Variants in DOCK7 observed in about 807,000 individuals in gnomAD.
DOCK7 encodes dedicator of cytokinesis 7.
DOCK7 carries 138 observed loss-of-function variants against 271.0 expected under a neutral mutation model. The observed-to-expected ratio is 0.51, with a 90% CI of 0.44 to 0.59. The LOEUF (loss-of-function observed/expected upper bound fraction) is 0.59, where lower values mean the gene tolerates loss of function less well. Among genes scored for constraint, DOCK7 ranks in the 20% least tolerant of loss-of-function variants. The pLI, the probability that DOCK7 is intolerant of heterozygous loss-of-function variation, is 0.00. For synonymous variants in DOCK7, 823 were observed against 876.1 expected (o/e 0.94, Z 1.07); for missense variants, 2,066 against 2,592.4 (o/e 0.80, Z 4.41).
At chr1:62,465,918 G>C (rs1211687454) in intron 48 of DOCK7, among the ~76,000 whole-genome samples, 2 of 152,158 alleles carry the variant, frequency 1.3e-5, no homozygotes, top group Non-Finnish European at 2.9e-5. Context: ...TGTAAGAAAA[G>C]TGTATCTGTA....
chr1:62,507,207 G>A (rs753352202), intron 35 of DOCK7, among the ~76,000 whole-genome samples: 4 of 152,126 alleles, frequency 2.6e-5, no homozygotes, highest in African/African-American at 7.2e-5. Context: ...TTGTAATAGC[G>A]TGGAAATATG....
At chr1:62,663,718 T>G (rs1658949169) in intron 1 of DOCK7, among the ~76,000 whole-genome samples, 1 of 152,190 alleles carries the variant, frequency 6.6e-6, no homozygotes, top group South Asian at 2.1e-4. Flanking sequence ...TCCTCCTTCC[T>G]TCTTTCATAT....
chr1:62,472,157 G>T (rs926047615), intron 48 of DOCK7, among the ~76,000 whole-genome samples: 3 of 152,074 alleles, frequency 2.0e-5, no homozygotes, highest in African/African-American at 7.2e-5. Flanking sequence ...AGGCTGGAGT[G>T]CAGTGGCATG....
At position 62,647,831 on chromosome 1, in the gene DOCK7, T is replaced by C. The variant is rs1656862206; in HGVS notation, c.733-55A>G. The C allele has an allele frequency of 5.3e-6, 7 of 1,315,380 alleles. No individual in the cohort carries two copies. In the South Asian group the frequency reaches 7.6e-5, roughly 14 times the overall value. 81.5% of individuals were successfully genotyped at this position (1,315,380 alleles called of 1,614,324 possible). A position where few individuals can be genotyped will look rare whatever the true frequency, so the allele number is the denominator to read the frequency against. Reference sequence around the variant, plus strand: ...ATATGCTTATCATATTCCAACTCTTTATCTTTTTCAGAACTTACTTTACTA... The same window carrying C: ...ATATGCTTATCATATTCCAACTCTTCATCTTTTTCAGAACTTACTTTACTA... On this transcript the variant is annotated intron_variant, in intron 6 of 49. Coordinates refer to ENST00000635253, the MANE Select transcript of DOCK7 (RefSeq NM_001367561.1).
intron 1 of DOCK7, among the ~76,000 whole-genome samples, chr1:62,668,923 TCAAAA>T (rs1659621903): frequency 1.1e-5 from 1 of 95,144 alleles, no homozygotes; most frequent in Non-Finnish European, 2.0e-5. Context: ...AGACCTTGCC[TCAAAA>T]AAAAAAAAAA....
intron 31 of DOCK7, among the ~76,000 whole-genome samples, chr1:62,514,529 T>C (rs1256483785): frequency 6.6e-6 from 1 of 152,134 alleles, no homozygotes; most frequent in Non-Finnish European, 1.5e-5. Flanking sequence ...TTATTGGACA[T>C]ACACTCTGTT....
At chr1:62,487,345 A>G (rs1268431654) in intron 43 of DOCK7, 53 bp downstream of exon 43, 1 of 1,573,036 alleles carries the variant, frequency 6.4e-7, no homozygotes, top group African/African-American at 1.4e-5. Context: ...TGGCATAAGA[A>G]ATCTGATAAA....
At chr1:62,513,334 A>T in intron 33 of DOCK7, 110 bp downstream of exon 33, 1 of 1,016,298 alleles carries the variant, frequency 9.8e-7, no homozygotes, top group Non-Finnish European at 1.3e-6. Flanking sequence ...TATTCAAGTT[A>T]ATTCACAGTT....
chr1:62,626,090 T>C (rs893498792), intron 11 of DOCK7, among the ~76,000 whole-genome samples: 9 of 151,524 alleles, frequency 5.9e-5, no homozygotes, highest in South Asian at 2.1e-4. Flanking sequence ...CAGAAGAAAA[T>C]TTGGGGAATT....
chr1:62,509,182 G>A (rs935067232), intron 34 of DOCK7, among the ~76,000 whole-genome samples: 4 of 151,958 alleles, frequency 2.6e-5, no homozygotes, highest in African/African-American at 9.6e-5. Context: ...GCGTGGTGGT[G>A]CACAGCTATA....
chr1:62,679,061 A>G (rs1366242987), intron 1 of DOCK7, among the ~76,000 whole-genome samples: 2 of 152,146 alleles, frequency 1.3e-5, no homozygotes, highest in Admixed American at 6.5e-5. Flanking sequence ...TTAATCTACA[A>G]TAGAGGCGGC....
intron 1 of DOCK7, among the ~76,000 whole-genome samples, chr1:62,665,930 G>A (rs917713882): frequency 1.7e-4 from 26 of 152,004 alleles, no homozygotes; most frequent in Admixed American, 5.9e-4. Flanking sequence ...TTAGGAGGCC[G>A]AGGCGGGCGG....
rs762349886 is a variant in DOCK7, at chr1:62,510,570, G to A, written c.4379+7C>T. On this transcript the variant is annotated splice_region_variant and intron_variant, in intron 34 of 49. Transcript: ENST00000635253. ...CATCAGTAACATAAAATAGAAAGCT[G>A]TATTACTTGTCAAGCTTCTCTGTGT... The A allele has an allele frequency of 1.2e-6, 2 of 1,608,716 alleles. No homozygotes were observed. The highest frequency in any genetic ancestry group is 1.7e-5 in the Admixed American group (1 of 59,618).
intron 29 of DOCK7, among the ~76,000 whole-genome samples, chr1:62,534,273 T>A (rs550797342): frequency 3.7e-4 from 57 of 152,280 alleles, no homozygotes; most frequent in Admixed American, 3.4e-3. Flanking sequence ...GTGCTGGGAT[T>A]ACAGGTGTGA....
At chr1:62,535,177 C>CA (rs1382346901) in intron 29 of DOCK7, among the ~76,000 whole-genome samples, 1 of 152,072 alleles carries the variant, frequency 6.6e-6, no homozygotes, top group African/African-American at 2.4e-5. Flanking sequence ...TACTTTACAT[C>CA]AAAAAATCTA....
At chr1:62,607,838 T>C (rs1403405963) in intron 14 of DOCK7, 5 of 152,168 alleles carry the variant, frequency 3.3e-5, no homozygotes, top group Admixed American at 3.3e-4. Context: ...TCCAAGTATT[T>C]TGGGAGGCCG....
At chr1:62,607,598 T>C (rs1448256012) in intron 14 of DOCK7, among the ~76,000 whole-genome samples, 1 of 152,224 alleles carries the variant, frequency 6.6e-6, no homozygotes, top group African/African-American at 2.4e-5. Context: ...CCTGGACCTG[T>C]GTCTTTCAAG....
chr1:62,669,091 A>C (rs901349426), intron 1 of DOCK7, among the ~76,000 whole-genome samples: 1 of 152,122 alleles, frequency 6.6e-6, no homozygotes, highest in East Asian at 1.9e-4. Context: ...TGAGTGTCTA[A>C]ATCTGTTTGG....
chr1:62,602,278 T>C (rs1488608057), intron 14 of DOCK7: 3 of 1,596,090 alleles, frequency 1.9e-6, no homozygotes, highest in South Asian at 2.2e-5. Context: ...TCATTCATTA[T>C]ATTCAGGTAG....
Sources: allele counts gnomAD v4.1 joint callset (sites outside exome capture counted in the v4.1 genomes callset), GRCh38; gene constraint gnomAD v4.1.1; transcripts MANE v1.5; gene names NCBI Gene and HGNC (gene_info 2026-07-23, HGNC 2026-07-21).